FTO: variants seen among roughly 807,000 people sequenced by gnomAD.
FTO encodes FTO alpha-ketoglutarate dependent dioxygenase, also known as alpha-ketoglutarate-dependent dioxygenase FTO.
Under a neutral mutation model 63.9 loss-of-function variants are expected in FTO, and 47 were observed. The ratio of observed to expected loss-of-function variants is 0.74; its 90% CI spans 0.58 to 0.94. FTO has a LOEUF of 0.94. Ranked by LOEUF, FTO falls within the 40% of genes least tolerant of loss-of-function variation. The pLI is 0.00. For missense variants in FTO, 562 were observed against 618.1 expected (o/e 0.91, Z 0.96); for synonymous variants, 207 against 224.4 (o/e 0.92, Z 0.69).
chr16:53,716,858 T>G (rs1259823530), intron 1 of FTO, among the ~76,000 whole-genome samples: 1 of 150,948 alleles, frequency 6.6e-6, no homozygotes, highest in Non-Finnish European at 1.5e-5. Context: ...TTTATATTAG[T>G]GTATTGCTTA....
At chr16:53,925,548 C>T (rs923950557) in intron 7 of FTO, among the ~76,000 whole-genome samples, 8 of 152,014 alleles carry the variant, frequency 5.3e-5, no homozygotes, top group African/African-American at 1.9e-4. Flanking sequence ...TTTCCTTAGA[C>T]AACATTCTTT....
chr16:53,772,805 G>A (rs992999539), intron 1 of FTO, among the ~76,000 whole-genome samples: 4 of 152,088 alleles, frequency 2.6e-5, no homozygotes, highest in Admixed American at 6.6e-5. Flanking sequence ...AACTACTCAG[G>A]TTACATGGTC....
At chr16:53,864,320 G>T (rs189404861) in intron 4 of FTO, among the ~76,000 whole-genome samples, 7 of 152,280 alleles carry the variant, frequency 4.6e-5, no homozygotes, top group Admixed American at 2.6e-4. Flanking sequence ...GGTAATGTAC[G>T]TGACAGCAAA....
chr16:53,897,716 G>A (rs74019293), intron 7 of FTO, among the ~76,000 whole-genome samples: 4,111 of 152,196 alleles, frequency 0.027, 165 homozygotes, highest in African/African-American at 0.093. Context: ...GAAGTCTCAT[G>A]TCCTGGATAC....
intron 7 of FTO, among the ~76,000 whole-genome samples, chr16:53,930,367 G>A (rs1467303417): frequency 1.3e-5 from 2 of 151,322 alleles, no homozygotes; most frequent in Non-Finnish European, 2.9e-5. Flanking sequence ...GGGACTACGG[G>A]CACCTGCCAC....
chr16:53,877,418 C>A (rs918126313), intron 5 of FTO, among the ~76,000 whole-genome samples: 1 of 152,070 alleles, frequency 6.6e-6, no homozygotes, highest in African/African-American at 2.4e-5. Context: ...TGAAAACATA[C>A]GAAATGGAAG....
At chr16:54,053,277 G>A (rs757107463) in intron 8 of FTO, among the ~76,000 whole-genome samples, 6 of 152,220 alleles carry the variant, frequency 3.9e-5, no homozygotes, top group Admixed American at 3.3e-4. Flanking sequence ...ATGGGCTAGC[G>A]CCTGTTTTCA....
At chr16:53,747,555 ATT>A (rs998046212) in intron 1 of FTO, among the ~76,000 whole-genome samples, 2 of 152,014 alleles carry the variant, frequency 1.3e-5, no homozygotes, top group African/African-American at 4.8e-5. Context: ...ATGTAGAGGT[ATT>A]TGAGTTTAGA....
intron 8 of FTO, among the ~76,000 whole-genome samples, chr16:54,068,644 A>G (rs1438644843): frequency 1.3e-5 from 2 of 152,214 alleles, no homozygotes; most frequent in African/African-American, 4.8e-5. Flanking sequence ...CACTGCCAAG[A>G]TCATGGGCGA....
chr16:53,809,410 T>G (rs552991133), intron 1 of FTO, among the ~76,000 whole-genome samples: 26 of 152,332 alleles, frequency 1.7e-4, no homozygotes, highest in Non-Finnish European at 3.5e-4. Flanking sequence ...GTGGCTTGGT[T>G]TGGTATTTCC....
intron 8 of FTO, among the ~76,000 whole-genome samples, chr16:53,960,717 TG>T (rs1028819786): frequency 3.0e-4 from 42 of 141,096 alleles, no homozygotes; most frequent in South Asian, 2.3e-3. Context: ...GAAATGGGGG[TG>T]GGGGGGGCGC....
In FTO at chr16:54,083,598, T is replaced by A. The variant is rs184782989; in HGVS notation, c.1365-28164T>A. ...TGGTTAGAGAGCCCAGTGACTGATG[T>A]GAGCTACGGTGGATCCATTTCCGAA... On this transcript the variant is annotated intron_variant, in intron 8 of 8. Coordinates refer to ENST00000471389, the MANE Select transcript of FTO (RefSeq NM_001080432.3). 1.1e-3 allele frequency among the ~76,000 whole-genome samples: 175 copies of A among 152,266 alleles called. 1 individual carries two copies. The highest frequency in any genetic ancestry group is 3.9e-3 in the African/African-American group (161 of 41,552).
chr16:53,766,922 C>G (rs116733646), intron 1 of FTO, among the ~76,000 whole-genome samples: 1 of 152,254 alleles, frequency 6.6e-6, no homozygotes, highest in African/African-American at 2.4e-5. Context: ...ATGACACACA[C>G]CATGAGCCAG....
intron 1 of FTO, among the ~76,000 whole-genome samples, chr16:53,757,114 CA>C (rs1172282013): frequency 4.6e-5 from 7 of 151,922 alleles, no homozygotes; most frequent in African/African-American, 1.7e-4. Flanking sequence ...AAAAATACGA[CA>C]AAAATTTTAT....
chr16:54,110,619 C>A (rs1347668961), intron 8 of FTO, among the ~76,000 whole-genome samples: 3 of 152,226 alleles, frequency 2.0e-5, no homozygotes, highest in African/African-American at 7.2e-5. Context: ...GTTAGGAACC[C>A]TCTCTACCAT....
intron 8 of FTO, among the ~76,000 whole-genome samples, chr16:54,079,265 G>A (rs1350155225): frequency 6.6e-6 from 1 of 152,180 alleles, no homozygotes; most frequent in Non-Finnish European, 1.5e-5. Context: ...GACATAATCA[G>A]TGGTAATAAG....
chr16:54,057,658 A>C (rs1339686064), intron 8 of FTO, among the ~76,000 whole-genome samples: 5 of 151,248 alleles, frequency 3.3e-5, no homozygotes, highest in African/African-American at 9.7e-5. Context: ...TTTTTGGTAG[A>C]GATGGGGTTT....
intron 4 of FTO, among the ~76,000 whole-genome samples, chr16:53,872,440 A>G (rs77669734): frequency 0.031 from 4,739 of 152,296 alleles, 272 homozygotes; most frequent in African/African-American, 0.11. Flanking sequence ...CTTGGCAAGA[A>G]AGAAACAGAG....
At position 53,961,927 on chromosome 16, in the gene FTO, C is replaced by A. The variant is rs528270470; in HGVS notation, c.1364+27818C>A. 1.6e-3 allele frequency among the ~76,000 whole-genome samples: 242 copies of A among 152,212 alleles called. 3 individuals are homozygous for A. The highest frequency in any genetic ancestry group is 2.9e-3 in the Non-Finnish European group (194 of 68,018). Reference sequence around the variant, plus strand: ...GGAATCCACAGCTCTAACTGGGAGTCCTTGAACACCTCAGGTAGTACCACT... The same window carrying A: ...GGAATCCACAGCTCTAACTGGGAGTACTTGAACACCTCAGGTAGTACCACT... On this transcript the variant is annotated intron_variant, in intron 8 of 8. Transcript: ENST00000471389.
Sources: gnomAD v4.1 joint callset for allele counts (sites outside exome capture counted in the v4.1 genomes callset) on GRCh38, gnomAD v4.1.1 for gene constraint, MANE v1.5 for transcripts, NCBI Gene and HGNC (gene_info 2026-07-23, HGNC 2026-07-21) for gene names.